Variants in CSMD1 observed in about 807,000 individuals in gnomAD.
CSMD1 encodes the protein CUB and sushi domain-containing protein 1.
Under a neutral mutation model 417.5 loss-of-function variants are expected in CSMD1, and 213 were observed. The ratio of observed to expected loss-of-function variants is 0.51; its 90% CI spans 0.46 to 0.57. The LOEUF (loss-of-function observed/expected upper bound fraction) is 0.57. CSMD1 is among the 20% of genes least tolerant of loss of function. The probability of loss-of-function intolerance (pLI) is 0.00; values close to 1 mark genes in which losing one functional copy is unlikely to be tolerated. For missense variants in CSMD1, 6,923 were observed against 4,529.7 expected, an observed-to-expected ratio of 1.53 and a Z score of -15.17; for synonymous variants, 2,862 against 1,736.8, an observed-to-expected ratio of 1.65 and a Z score of -16.11.
At chr8:4,534,186 G>C (rs1796979487) in intron 2 of CSMD1, among the ~76,000 whole-genome samples, 1 of 152,170 alleles carries the variant, frequency 6.6e-6, no homozygotes, top group Admixed American at 6.5e-5. Context: ...TCGCTAGGGA[G>C]CACAATTTAA....
intron 5 of CSMD1, among the ~76,000 whole-genome samples, chr8:3,865,060 G>T (rs906651735): frequency 6.6e-6 from 1 of 151,984 alleles, no homozygotes; most frequent in Non-Finnish European, 1.5e-5. Flanking sequence ...TCTATTTCTC[G>T]GCATATGCCA....
intron 5 of CSMD1, among the ~76,000 whole-genome samples, chr8:3,759,965 C>G (rs1413217534): frequency 6.6e-6 from 1 of 150,884 alleles, no homozygotes; most frequent in Non-Finnish European, 1.5e-5. Context: ...CAACCAATGT[C>G]TTCCCGCATT....
chr8:4,314,178 T>G (rs904818667), intron 3 of CSMD1, among the ~76,000 whole-genome samples: 3 of 152,032 alleles, frequency 2.0e-5, no homozygotes, highest in Non-Finnish European at 4.4e-5. Flanking sequence ...AGCATCTCAT[T>G]CCTTGGTTCC....
chr8:3,839,564 TATA>T (rs1480765909), intron 5 of CSMD1, among the ~76,000 whole-genome samples: 3 of 130,886 alleles, frequency 2.3e-5, no homozygotes, highest in African/African-American at 8.5e-5. Flanking sequence ...TATTATAATA[TATA>T]ATATTAATTT....
At chr8:3,894,183 C>G (rs138751753) in intron 5 of CSMD1, among the ~76,000 whole-genome samples, 18 of 152,226 alleles carry the variant, frequency 1.2e-4, no homozygotes, top group Non-Finnish European at 2.5e-4. Context: ...TGCTGTGTGT[C>G]TTTTGTTTGA....
At chr8:3,828,224 CTT>C (rs1563121149) in intron 5 of CSMD1, among the ~76,000 whole-genome samples, 1 of 152,120 alleles carries the variant, frequency 6.6e-6, no homozygotes, top group African/African-American at 2.4e-5. Flanking sequence ...AAAAGACACT[CTT>C]ATTATCATGA....
At chr8:3,121,228 T>C (rs1817185906) in intron 41 of CSMD1, among the ~76,000 whole-genome samples, 2 of 152,198 alleles carry the variant, frequency 1.3e-5, no homozygotes, top group Admixed American at 1.3e-4. Flanking sequence ...GACAACAGCT[T>C]CCTGTGGTTA....
chr8:4,544,514 A>G (rs1797549657), intron 2 of CSMD1, among the ~76,000 whole-genome samples: 1 of 152,084 alleles, frequency 6.6e-6, no homozygotes, highest in South Asian at 2.1e-4. Flanking sequence ...TTACATTGGG[A>G]TCCACTGCTG....
chr8:3,275,362 T>A (rs1002310562), intron 26 of CSMD1, among the ~76,000 whole-genome samples: 1 of 152,140 alleles, frequency 6.6e-6, no homozygotes, highest in African/African-American at 2.4e-5. Flanking sequence ...GCCCTTAACA[T>A]TTTTTCCTTC....
chr8:3,195,552 G>C (rs1796659682), intron 33 of CSMD1, among the ~76,000 whole-genome samples: 1 of 152,134 alleles, frequency 6.6e-6, no homozygotes, highest in African/African-American at 2.4e-5. Context: ...AGAATATGTT[G>C]ATTTTCGGTG....
intron 21 of CSMD1, among the ~76,000 whole-genome samples, chr8:3,356,780 C>T (rs559052207): frequency 7.2e-5 from 11 of 152,296 alleles, no homozygotes; most frequent in African/African-American, 2.6e-4. Context: ...TGAGAGGGCT[C>T]CATCTGTCTG....
intron 1 of CSMD1, among the ~76,000 whole-genome samples, chr8:4,658,734 G>A (rs1804392432): frequency 6.6e-6 from 1 of 152,016 alleles, no homozygotes; most frequent in Non-Finnish European, 1.5e-5. Context: ...TATACTTTCG[G>A]TTTCTAACTC....
chr8:4,943,440 G>A (rs1808155695), intron 1 of CSMD1, among the ~76,000 whole-genome samples: 1 of 151,812 alleles, frequency 6.6e-6, no homozygotes, highest in South Asian at 2.1e-4. Flanking sequence ...AGCTTGCAGT[G>A]AGCTGAGGTC....
intron 12 of CSMD1, among the ~76,000 whole-genome samples, chr8:3,416,436 G>C (rs190858549): frequency 2.1e-3 from 315 of 151,894 alleles, no homozygotes; most frequent in African/African-American, 7.1e-3. Context: ...AGAAATAAAT[G>C]AATGTGGACT....
chr8:4,110,361 T>C (rs1340894269), intron 3 of CSMD1, among the ~76,000 whole-genome samples: 6 of 152,152 alleles, frequency 3.9e-5, no homozygotes, highest in African/African-American at 7.2e-5. Flanking sequence ...TGGATATGTA[T>C]GTTTTTAATC....
chr8:3,214,265 T>G lies in CSMD1; in HGVS notation c.4867+232A>C, dbSNP rs565922105. On this transcript the variant is annotated intron_variant, in intron 30 of 69. Transcript: ENST00000635120. ...AAAACAGAAGTGAAAAATGTAAAACTGTACGAGCGAAGGAAAAATATTGCT... is the reference window on the plus strand; with the variant it reads ...AAAACAGAAGTGAAAAATGTAAAACGGTACGAGCGAAGGAAAAATATTGCT... Among the ~76,000 whole-genome samples, 6 of 152,250 alleles carry G rather than the reference T, an allele frequency of 3.9e-5. No homozygotes were observed. The South Asian group carries it at 1.0e-3, about 26-fold the overall frequency.
intron 1 of CSMD1, among the ~76,000 whole-genome samples, chr8:4,940,329 T>A (rs1014208761): frequency 6.6e-6 from 1 of 152,244 alleles, no homozygotes; most frequent in Non-Finnish European, 1.5e-5. Flanking sequence ...TTTTCTGACG[T>A]GCCCATGTAA....
chr8:4,291,953 G>A (rs535886270), intron 3 of CSMD1, among the ~76,000 whole-genome samples: 13 of 152,264 alleles, frequency 8.5e-5, no homozygotes, highest in Admixed American at 2.6e-4. Context: ...CAGGGAGCCT[G>A]GTGTCCAGAA....
intron 5 of CSMD1, among the ~76,000 whole-genome samples, chr8:3,842,780 A>T (rs541601393): frequency 6.6e-6 from 1 of 152,330 alleles, no homozygotes; most frequent in East Asian, 1.9e-4. Flanking sequence ...TGATTTCAAA[A>T]CTGTCTTTTA....
Sources: gnomAD v4.1 joint callset for allele counts (sites outside exome capture counted in the v4.1 genomes callset) on GRCh38, gnomAD v4.1.1 for gene constraint, MANE v1.5 for transcripts, NCBI Gene and HGNC (gene_info 2026-07-23, HGNC 2026-07-21) for gene names.